The following FSTL4 variants were observed in gnomAD, a reference collection of about 807,000 sequenced individuals.
FSTL4 encodes follistatin-related protein 4.
Under a neutral mutation model 78.2 loss-of-function variants are expected in FSTL4, and 28 were observed. The observed-to-expected ratio is 0.36, with a 90% CI of 0.27 to 0.49. The LOEUF (loss-of-function observed/expected upper bound fraction) is 0.49. Ranked by LOEUF, FSTL4 falls within the 20% of genes least tolerant of loss-of-function variation. The probability of loss-of-function intolerance (pLI) is 0.98; values close to 1 mark genes in which losing one functional copy is unlikely to be tolerated. For synonymous variants in FSTL4, 422 were observed against 440.5 expected (o/e 0.96, Z 0.53); for missense variants, 922 against 1,084.9 (o/e 0.85, Z 2.11).
At chr5:133,814,740 G>A in the FSTL4 span, among the ~76,000 whole-genome samples, 1 of 152,162 alleles carries the variant, frequency 6.6e-6, no homozygotes, top group South Asian at 2.1e-4. Flanking sequence ...ATCAGAGGGT[G>A]GCCACCGTCA....
the FSTL4 span, among the ~76,000 whole-genome samples, chr5:133,723,628 A>G: frequency 6.6e-6 from 1 of 152,202 alleles, no homozygotes; most frequent in South Asian, 2.1e-4. Context: ...CTGCAAGTCC[A>G]ATTCCAGGTA....
chr5:133,203,786 G>A (rs1750404570), intron 14 of FSTL4, among the ~76,000 whole-genome samples: 1 of 152,188 alleles, frequency 6.6e-6, no homozygotes, highest in Non-Finnish European at 1.5e-5. Flanking sequence ...ATTACAGGCT[G>A]TCATTGGTCA....
chr5:133,710,707 G>C, the FSTL4 span, among the ~76,000 whole-genome samples: 1 of 152,214 alleles, frequency 6.6e-6, no homozygotes, highest in Non-Finnish European at 1.5e-5. Flanking sequence ...ACTTGGCTGT[G>C]CAACCTGGTT....
chr5:133,376,788 C>T (rs1338398794), intron 4 of FSTL4, among the ~76,000 whole-genome samples: 1 of 150,604 alleles, frequency 6.6e-6, no homozygotes, highest in Non-Finnish European at 1.5e-5. Flanking sequence ...ACTTGGGAGG[C>T]TGAGACATGA....
At chr5:133,411,794 T>C (rs868839448) in intron 3 of FSTL4, among the ~76,000 whole-genome samples, 1 of 152,284 alleles carries the variant, frequency 6.6e-6, no homozygotes, top group African/African-American at 2.4e-5. Flanking sequence ...TGATTATGTA[T>C]CTGTATACTT....
the FSTL4 span, among the ~76,000 whole-genome samples, chr5:133,697,925 T>C: frequency 6.7e-4 from 102 of 152,210 alleles, no homozygotes; most frequent in Admixed American, 1.3e-3. Context: ...CCCAAAAAGA[T>C]AGCTCCCATA....
intron 2 of FSTL4, among the ~76,000 whole-genome samples, chr5:133,600,987 A>G (rs181516178): frequency 9.8e-5 from 15 of 152,368 alleles, no homozygotes; most frequent in Admixed American, 8.5e-4. Context: ...ACTGTGAGTT[A>G]TCGATACATT....
At chr5:133,309,898 A>G (rs1177101143) in intron 6 of FSTL4, among the ~76,000 whole-genome samples, 1 of 152,202 alleles carries the variant, frequency 6.6e-6, no homozygotes, top group Non-Finnish European at 1.5e-5. Context: ...CATCAGCTCT[A>G]GTTTTTAAAA....
intron 3 of FSTL4, among the ~76,000 whole-genome samples, chr5:133,446,883 T>C (rs1443079123): frequency 6.6e-6 from 1 of 152,180 alleles, no homozygotes; most frequent in Non-Finnish European, 1.5e-5. Flanking sequence ...ACTCTGACCA[T>C]CCATGACTGG....
chr5:133,620,820 A>G, the FSTL4 span, among the ~76,000 whole-genome samples: 5 of 152,166 alleles, frequency 3.3e-5, no homozygotes, highest in Admixed American at 3.3e-4. Context: ...GAACACTTCT[A>G]CACTGCTGGT....
At chr5:133,516,784 C>CA (rs1480377288) in intron 3 of FSTL4, among the ~76,000 whole-genome samples, 2 of 151,892 alleles carry the variant, frequency 1.3e-5, no homozygotes, top group Non-Finnish European at 2.9e-5. Flanking sequence ...CAGGAACAGG[C>CA]AGATCAAAAC....
At chr5:133,820,298 T>G in the FSTL4 span, among the ~76,000 whole-genome samples, 23 of 152,352 alleles carry the variant, frequency 1.5e-4, no homozygotes, top group Non-Finnish European at 2.8e-4. Context: ...AGATGTGCCT[T>G]TAAATTAGAT....
chr5:133,198,957 TG>T lies in FSTL4; in HGVS notation c.*137del. 1 of 553,164 alleles carries T rather than the reference TG, an allele frequency of 1.8e-6. No individual in the cohort carries two copies. The allele number at this position is 553,164 out of a possible 1,614,324, so 34.3% of individuals were successfully genotyped here. ...AGCGCATACCTTATACTAGGAAACT[TG>T]CAAGGAGACCAGTGTTGAACCACAA... On this transcript the variant is annotated 3_prime_UTR_variant, in exon 16 of 16. Transcript: ENST00000265342.
At chr5:133,214,918 T>A (rs1318241576) in intron 13 of FSTL4, among the ~76,000 whole-genome samples, 2 of 152,216 alleles carry the variant, frequency 1.3e-5, no homozygotes, top group Admixed American at 6.5e-5. Flanking sequence ...ATTGCCTCAT[T>A]TCTTTACATT....
At chr5:133,698,522 C>T in the FSTL4 span, among the ~76,000 whole-genome samples, 1 of 152,222 alleles carries the variant, frequency 6.6e-6, no homozygotes, top group African/African-American at 2.4e-5. Flanking sequence ...GCCGTTGTGA[C>T]TATTACATGC....
the FSTL4 span, among the ~76,000 whole-genome samples, chr5:133,806,679 G>T: frequency 2.0e-5 from 3 of 152,208 alleles, no homozygotes; most frequent in African/African-American, 7.2e-5. Flanking sequence ...AGAGCTGAGC[G>T]GATGGAGGAT....
chr5:133,754,356 GATATAT>G, the FSTL4 span, among the ~76,000 whole-genome samples: 2 of 151,690 alleles, frequency 1.3e-5, no homozygotes, highest in Non-Finnish European at 2.9e-5. Context: ...AGAGCTAAAA[GATATAT>G]ATATATAAAA....
At chr5:133,580,442 GC>G (rs1760376797) in intron 2 of FSTL4, among the ~76,000 whole-genome samples, 1 of 152,194 alleles carries the variant, frequency 6.6e-6, no homozygotes, top group Non-Finnish European at 1.5e-5. Flanking sequence ...TGCCAAGGCA[GC>G]CCCAGCCCCA....
chr5:133,575,662 G>A (rs532853674), intron 2 of FSTL4, among the ~76,000 whole-genome samples: 1 of 152,318 alleles, frequency 6.6e-6, no homozygotes, highest in South Asian at 2.1e-4. Context: ...CCCCTCAAAA[G>A]CTGTAGCAGA....
Sources: allele counts gnomAD v4.1 joint callset (sites outside exome capture counted in the v4.1 genomes callset), GRCh38; gene constraint gnomAD v4.1.1; transcripts MANE v1.5; gene names NCBI Gene and HGNC (gene_info 2026-07-23, HGNC 2026-07-21).